PTPRD: variants seen among roughly 807,000 people sequenced by gnomAD.
The protein encoded by PTPRD is protein tyrosine phosphatase receptor type D, also known as receptor-type tyrosine-protein phosphatase delta.
A neutral mutation model predicts 214.5 loss-of-function variants in PTPRD; 34 were observed. That is an observed-to-expected ratio of 0.16 (90% CI 0.12 to 0.21). PTPRD has a LOEUF of 0.21. Among genes scored for constraint, PTPRD ranks in the 10% least tolerant of loss-of-function variants. The pLI, the probability that PTPRD is intolerant of heterozygous loss-of-function variation, is 1.00. For missense variants in PTPRD, 2,545 were observed against 2,398.7 expected (o/e 1.06, Z -1.27); for synonymous variants, 1,128 against 845.7 (o/e 1.33, Z -5.79).
At chr9:9,310,551 A>C (rs1375886986) in intron 9 of PTPRD, among the ~76,000 whole-genome samples, 2 of 152,180 alleles carry the variant, frequency 1.3e-5, no homozygotes, top group East Asian at 3.9e-4. Flanking sequence ...GCAGAAAGAA[A>C]TACTTTAATT....
chr9:8,454,635 A>T (rs369387780), intron 33 of PTPRD: 2 of 1,608,192 alleles, frequency 1.2e-6, no homozygotes, highest in Non-Finnish European at 1.7e-6. Context: ...AGAAAGGCTA[A>T]ATGTTAGTTG....
chr9:10,311,063 T>C (rs2096254180), intron 3 of PTPRD, among the ~76,000 whole-genome samples: 1 of 152,060 alleles, frequency 6.6e-6, no homozygotes. Context: ...CATATTCAAA[T>C]TGGGAATATT....
In PTPRD at chr9:9,662,189, C is replaced by T. The variant is rs372344696; in HGVS notation, c.-287+72344G>A. Reference sequence around the variant, plus strand: ...ATCTTGAGAGCTTGGAAGGCAGTCTCAGTTCCAGTATTTACCTACAGTATT... The same window carrying T: ...ATCTTGAGAGCTTGGAAGGCAGTCTTAGTTCCAGTATTTACCTACAGTATT... On this transcript the variant is annotated intron_variant, in intron 7 of 45. Transcript: ENST00000381196. Among the ~76,000 whole-genome samples, 9 of 151,786 alleles carry T rather than the reference C, an allele frequency of 5.9e-5. No individual in the cohort carries two copies. In the East Asian group the frequency reaches 1.7e-3, roughly 29 times the overall value.
At chr9:8,752,765 C>G (rs2093649255) in intron 11 of PTPRD, among the ~76,000 whole-genome samples, 2 of 152,058 alleles carry the variant, frequency 1.3e-5, no homozygotes, top group Non-Finnish European at 2.9e-5. Flanking sequence ...GTTGCAGACT[C>G]AAGAGTAAGT....
intron 9 of PTPRD, among the ~76,000 whole-genome samples, chr9:9,302,748 A>G (rs1027418950): frequency 1.3e-5 from 2 of 151,606 alleles, no homozygotes; most frequent in African/African-American, 4.8e-5. Context: ...GAAGCCATCC[A>G]TAATTCCTCA....
intron 6 of PTPRD, among the ~76,000 whole-genome samples, chr9:9,740,159 T>C (rs1014527515): frequency 1.3e-5 from 2 of 152,172 alleles, no homozygotes; most frequent in South Asian, 4.1e-4. Flanking sequence ...AATGTGTTGA[T>C]CTTGTGGTTT....
chr9:9,933,412 G>A (rs1193999716), intron 5 of PTPRD, among the ~76,000 whole-genome samples: 2 of 151,624 alleles, frequency 1.3e-5, no homozygotes, highest in Non-Finnish European at 2.9e-5. Flanking sequence ...AACAAAAAAA[G>A]GCAGGGGTTG....
At position 9,137,801 on chromosome 9, in the gene PTPRD, G is replaced by A. The variant is rs186754189; in HGVS notation, c.-143+45503C>T. Among the ~76,000 whole-genome samples the A allele has an allele frequency of 4.5e-4, 68 of 152,200 alleles. No homozygotes were observed. The East Asian group carries it at 9.7e-3, about 22-fold the overall frequency. ...GTGCATCCATTTGTCTCATGAGGTT[G>A]CACAAGCCACAAAGAGCAGGGAATA... On this transcript the variant is annotated intron_variant, in intron 10 of 45. Transcript: ENST00000381196.
rs1285867992 is a variant in PTPRD, at chr9:9,019,324, G to GAA, written c.-142-591_-142-590dup. Among the ~76,000 whole-genome samples the GAA allele has an allele frequency of 6.4e-5, 4 of 62,018 alleles. No individual in the cohort carries two copies. In the East Asian group the frequency reaches 1.7e-3, roughly 27 times the overall value. The allele number at this position is 62,018 out of a possible 152,430, so 40.7% of individuals were successfully genotyped here. A position where few individuals can be genotyped will look rare whatever the true frequency, so the allele number is the denominator to read the frequency against. ...AGAAAGAAAGAAAGAAAGAAAGAAAGAAAGAAAGAAAGAACGAAAGAAAGA... is the reference window on the plus strand; with the variant it reads ...AGAAAGAAAGAAAGAAAGAAAGAAAGAAAAAGAAAGAAAGAACGAAAGAAAGA... On this transcript the variant is annotated intron_variant, in intron 10 of 45. Coordinates refer to ENST00000381196, the MANE Select transcript of PTPRD (RefSeq NM_002839.4).
intron 8 of PTPRD, among the ~76,000 whole-genome samples, 199 bp downstream of exon 8, chr9:9,574,533 C>G (rs2087730844): frequency 6.6e-6 from 1 of 151,900 alleles, no homozygotes; most frequent in Non-Finnish European, 1.5e-5. Context: ...CTATCAAAGA[C>G]TATATCAAAT....
At chr9:10,091,985 G>C (rs1347954309) in intron 3 of PTPRD, among the ~76,000 whole-genome samples, 1 of 151,312 alleles carries the variant, frequency 6.6e-6, no homozygotes, top group Non-Finnish European at 1.5e-5. Flanking sequence ...AGATAACTTA[G>C]GGTTTATAAT....
chr9:8,876,735 G>C (rs1419169236), intron 11 of PTPRD, among the ~76,000 whole-genome samples: 1 of 152,104 alleles, frequency 6.6e-6, no homozygotes, highest in Non-Finnish European at 1.5e-5. Context: ...CAAGTGACCA[G>C]GTACCCTTTG....
chr9:8,734,744 T>A (rs2098699217), intron 11 of PTPRD, among the ~76,000 whole-genome samples: 2 of 152,128 alleles, frequency 1.3e-5, no homozygotes, highest in South Asian at 4.1e-4. Context: ...TGTTTCCAGA[T>A]TAGTAGGGAA....
chr9:10,507,419 G>T (rs10217262), intron 2 of PTPRD, among the ~76,000 whole-genome samples: 48,484 of 151,958 alleles, frequency 0.32, 8,081 homozygotes, highest in Middle Eastern at 0.38. Flanking sequence ...AGCTACCAAT[G>T]ACTTTCTTCA....
chr9:9,569,592 C>A (rs573983849), intron 8 of PTPRD, among the ~76,000 whole-genome samples: 2 of 151,364 alleles, frequency 1.3e-5, no homozygotes, highest in Non-Finnish European at 3.0e-5. Flanking sequence ...CAAGTCAAAT[C>A]GACAAAAGTC....
At chr9:10,412,155 T>G (rs2098442418) in intron 2 of PTPRD, among the ~76,000 whole-genome samples, 1 of 151,568 alleles carries the variant, frequency 6.6e-6, no homozygotes, top group Non-Finnish European at 1.5e-5. Flanking sequence ...GAAGACTAAT[T>G]CCTCAACTTA....
chr9:9,510,693 G>T (rs2154243678), intron 8 of PTPRD, among the ~76,000 whole-genome samples: 1 of 147,442 alleles, frequency 6.8e-6, no homozygotes, highest in Non-Finnish European at 1.5e-5. Context: ...TCTTTCCATT[G>T]GCTCTGCCCA....
intron 10 of PTPRD, among the ~76,000 whole-genome samples, chr9:9,162,533 T>C (rs1302213168): frequency 6.6e-6 from 1 of 152,044 alleles, no homozygotes; most frequent in African/African-American, 2.4e-5. Flanking sequence ...TGATCTACCA[T>C]GTATCTGCAG....
intron 9 of PTPRD, among the ~76,000 whole-genome samples, chr9:9,312,839 C>T (rs575453955): frequency 6.6e-6 from 1 of 152,172 alleles, no homozygotes; most frequent in Admixed American, 6.5e-5. Context: ...CACAAAAGCA[C>T]TCAGCAAGCC....
Sources: allele counts gnomAD v4.1 joint callset (sites outside exome capture counted in the v4.1 genomes callset), GRCh38; gene constraint gnomAD v4.1.1; transcripts MANE v1.5; gene names NCBI Gene and HGNC (gene_info 2026-07-23, HGNC 2026-07-21).